The following BICC1 variants were observed in gnomAD, a reference collection of about 807,000 sequenced individuals.
BICC1 encodes the protein protein bicaudal C homolog 1.
A neutral mutation model predicts 111.0 loss-of-function variants in BICC1; 43 were observed. That is an observed-to-expected ratio of 0.39 (90% CI 0.30 to 0.50). The LOEUF (loss-of-function observed/expected upper bound fraction) is 0.50. BICC1 is among the 20% of genes least tolerant of loss of function. BICC1 has a pLI of 0.88. For missense variants in BICC1, 1,091 were observed against 1,203.2 expected (o/e 0.91, Z 1.38); for synonymous variants, 467 against 434.4 (o/e 1.07, Z -0.93).
chr10:58,579,519 G>A (rs1358785801), intron 1 of BICC1, among the ~76,000 whole-genome samples: 1 of 152,100 alleles, frequency 6.6e-6, no homozygotes, highest in East Asian at 1.9e-4. Flanking sequence ...GCCTACTGGG[G>A]CATCGGTTTT....
intron 3 of BICC1, among the ~76,000 whole-genome samples, chr10:58,735,928 T>C (rs1294759147): frequency 1.3e-5 from 2 of 152,172 alleles, no homozygotes; most frequent in Non-Finnish European, 2.9e-5. Flanking sequence ...AGTGTTCCCA[T>C]CTCACATGCT....
intron 3 of BICC1, among the ~76,000 whole-genome samples, chr10:58,773,054 A>G (rs1056181887): frequency 6.6e-6 from 1 of 152,328 alleles, no homozygotes; most frequent in East Asian, 1.9e-4. Flanking sequence ...ATTAAAATGC[A>G]TTTGCATAGC....
chr10:58,713,915 T>C (rs1263030198), intron 3 of BICC1, among the ~76,000 whole-genome samples: 2 of 152,220 alleles, frequency 1.3e-5, no homozygotes, highest in Non-Finnish European at 2.9e-5. Context: ...ATTTATAAAC[T>C]TTCTTCTGGA....
At chr10:58,552,429 G>T (rs896402485) in intron 1 of BICC1, among the ~76,000 whole-genome samples, 5 of 151,924 alleles carry the variant, frequency 3.3e-5, no homozygotes, top group Admixed American at 2.0e-4. Context: ...TCCGCCTCCC[G>T]GGTTCATGCC....
chr10:58,575,252 A>T (rs1261771465), intron 1 of BICC1, among the ~76,000 whole-genome samples: 1 of 151,836 alleles, frequency 6.6e-6, no homozygotes, highest in Non-Finnish European at 1.5e-5. Context: ...CTCATTGTTC[A>T]ACTCCCACTT....
rs74148880 is a variant in BICC1, at chr10:58,546,457, A to G, written c.190+33124A>G. On this transcript the variant is annotated intron_variant, in intron 1 of 20. Coordinates refer to ENST00000373886, the MANE Select transcript of BICC1 (RefSeq NM_001080512.3). The stretch of plus-strand genomic sequence containing the variant: ...CAGTCTCCCAATTTTTATTGTGACA[A>G]CTAGTTCAGATTACGAAAAATATTT... 2.1e-3 allele frequency among the ~76,000 whole-genome samples: 319 copies of G among 152,336 alleles called. 1 individual carries two copies. The highest frequency in any genetic ancestry group is 7.3e-3 in the African/African-American group (303 of 41,588).
intron 1 of BICC1, among the ~76,000 whole-genome samples, chr10:58,615,596 C>A (rs988525460): frequency 5.9e-5 from 9 of 152,170 alleles, no homozygotes; most frequent in African/African-American, 1.2e-4. Context: ...GTTGAAACCC[C>A]CTACGATTCC....
intron 3 of BICC1, among the ~76,000 whole-genome samples, chr10:58,723,660 G>A (rs1841008947): frequency 6.6e-6 from 1 of 152,210 alleles, no homozygotes; most frequent in South Asian, 2.1e-4. Context: ...GAAGGCTAGA[G>A]AGGGCAGGGG....
At chr10:58,695,630 TTTTAAC>T (rs1420203650) in intron 2 of BICC1, among the ~76,000 whole-genome samples, 1 of 152,210 alleles carries the variant, frequency 6.6e-6, no homozygotes, top group Non-Finnish European at 1.5e-5. Context: ...ACCTGTGGAT[TTTTAAC>T]TTAACGTCGG....
Position 58,806,980 on chromosome 10 carries a change from A to G in BICC1, c.2222-24A>G, listed in dbSNP as rs772084171. ...AAGAAATGCATTAAACATACCAAGC[A>G]TTGGTTTTATTTTGTTTCCAAAGCT... On this transcript the variant is annotated intron_variant, in intron 16 of 20. Transcript: ENST00000373886. The G allele has an allele frequency of 8.7e-6, 14 of 1,601,058 alleles. No individual in the cohort carries two copies. In the East Asian group the frequency reaches 2.7e-4, roughly 31 times the overall value.
At chr10:58,566,148 A>AGGTG (rs1554806974) in intron 1 of BICC1, among the ~76,000 whole-genome samples, 2 of 150,820 alleles carry the variant, frequency 1.3e-5, no homozygotes, top group East Asian at 3.9e-4. Context: ...TAATTCAATG[A>AGGTG]TGTGTGTGTG....
intron 3 of BICC1, among the ~76,000 whole-genome samples, chr10:58,732,781 C>T (rs1219107207): frequency 6.6e-6 from 1 of 151,544 alleles, no homozygotes; most frequent in African/African-American, 2.4e-5. Context: ...GACCTTGCCT[C>T]ACACACACAC....
intron 2 of BICC1, among the ~76,000 whole-genome samples, chr10:58,669,307 G>A (rs1459135270): frequency 6.6e-6 from 1 of 152,006 alleles, no homozygotes; most frequent in Non-Finnish European, 1.5e-5. Flanking sequence ...CACTTAACCT[G>A]ATACGTATAC....
upstream of BICC1, among the ~76,000 whole-genome samples, chr10:58,512,776 G>A (rs964041189): frequency 1.3e-5 from 2 of 151,234 alleles, no homozygotes; most frequent in African/African-American, 4.8e-5. Context: ...GCTCCCCGTG[G>A]GCTGGCCGGG....
intron 1 of BICC1, among the ~76,000 whole-genome samples, chr10:58,620,339 G>GT (rs1003200975): frequency 3.2e-4 from 49 of 151,240 alleles, no homozygotes; most frequent in Admixed American, 8.6e-4. Flanking sequence ...TAATTCTCAT[G>GT]TTTTTTTTTC....
At chr10:58,696,220 T>C (rs1840060532) in intron 2 of BICC1, among the ~76,000 whole-genome samples, 1 of 152,074 alleles carries the variant, frequency 6.6e-6, no homozygotes, top group African/African-American at 2.4e-5. Context: ...TTTATAAAAT[T>C]TAAATATAAA....
intron 1 of BICC1, among the ~76,000 whole-genome samples, chr10:58,599,303 T>C (rs1004601029): frequency 6.6e-5 from 10 of 152,194 alleles, no homozygotes; most frequent in Admixed American, 5.2e-4. Context: ...ATATACACCA[T>C]GGAATACTAG....
At position 58,787,657 on chromosome 10, in the gene BICC1, A is replaced by G. The variant is rs73296742; in HGVS notation, c.546+576A>G. On this transcript the variant is annotated intron_variant, in intron 5 of 20. Coordinates refer to ENST00000373886, the MANE Select transcript of BICC1 (RefSeq NM_001080512.3). ...TTGGAAGTATTCTCTCTTCTAAACT[A>G]GTTACAATACTAGAAACTGTCAGCC... 2.8e-3 allele frequency among the ~76,000 whole-genome samples: 426 copies of G among 152,330 alleles called. 1 individual carries two copies. Among genetic ancestry groups the G allele is most frequent in the African/African-American group, 9.8e-3 (407 of 41,576 alleles).
At chr10:58,535,067 CAA>C (rs1842790960) in intron 1 of BICC1, among the ~76,000 whole-genome samples, 1 of 151,330 alleles carries the variant, frequency 6.6e-6, no homozygotes, top group South Asian at 2.1e-4. Context: ...TTAGAAGAAA[CAA>C]AGTCTCCAAG....
Sources: gnomAD v4.1 joint callset for allele counts (sites outside exome capture counted in the v4.1 genomes callset) on GRCh38, gnomAD v4.1.1 for gene constraint, MANE v1.5 for transcripts, NCBI Gene and HGNC (gene_info 2026-07-23, HGNC 2026-07-21) for gene names.